Variants in PLEKHA3 observed in about 807,000 individuals in gnomAD.
PLEKHA3 encodes pleckstrin homology domain containing A3.
A neutral mutation model predicts 39.2 loss-of-function variants in PLEKHA3; 19 were observed. The observed-to-expected ratio is 0.48, with a 90% CI of 0.34 to 0.71. The LOEUF (loss-of-function observed/expected upper bound fraction) is 0.71, where lower values mean the gene tolerates loss of function less well. PLEKHA3 is among the 30% of genes least tolerant of loss of function. PLEKHA3 has a pLI of 0.01. For missense variants in PLEKHA3, 253 were observed against 359.5 expected (o/e 0.70, Z 2.40); for synonymous variants, 97 against 118.6 (o/e 0.82, Z 1.18).
intron 1 of PLEKHA3, among the ~76,000 whole-genome samples, chr2:178,482,136 G>A (rs1478768762): frequency 6.6e-6 from 1 of 152,168 alleles, no homozygotes; most frequent in Non-Finnish European, 1.5e-5. Context: ...ATTTCTATAA[G>A]TGACATGTTT....
rs1440127208 is a variant in PLEKHA3, at chr2:178,504,767, A to G, written c.*880A>G. 2 of 152,394 alleles carry G rather than the reference A, an allele frequency of 1.3e-5. No individual in the cohort carries two copies. The highest frequency in any genetic ancestry group is 4.8e-5 in the African/African-American group (2 of 41,424). 9.4% of individuals were successfully genotyped at this position (152,394 alleles called of 1,614,324 possible). On this transcript the variant is annotated 3_prime_UTR_variant, in exon 8 of 8. Transcript: ENST00000234453. ...AAAGTATTGTTTGCAGCTCTTTCCAATATCTAGAGACATTTTTATTTATGA... is the reference window on the plus strand; with the variant it reads ...AAAGTATTGTTTGCAGCTCTTTCCAGTATCTAGAGACATTTTTATTTATGA...
chr2:178,497,529 C>T (rs1466019314), intron 5 of PLEKHA3, among the ~76,000 whole-genome samples: 1 of 152,090 alleles, frequency 6.6e-6, no homozygotes, highest in Non-Finnish European at 1.5e-5. Flanking sequence ...TGCGCCTGGC[C>T]CATTTTATGT....
Position 178,499,245 on chromosome 2 carries a change from G to A in PLEKHA3, c.650G>A (p.Ser217Asn). ...KRSVSHPGSCSSERSSHSIKE... is the reference protein window; with the variant it reads ...KRSVSHPGSCNSERSSHSIKE... The stretch of plus-strand genomic sequence containing the variant: ...TCTGTCAGCCACCCTGGTTCTTGCA[G>A]TTCAGAGAGGTAAAAGAACCTTTTC... Residue 217 changes from serine to asparagine, a missense_variant, in exon 6 of 8, where the codon AGT (serine) becomes AAT (asparagine). Physicochemically the swap from Ser to Asn is conservative, Grantham distance 46. Transcript: ENST00000234453. 1 of 1,609,966 alleles carries A rather than the reference G, an allele frequency of 6.2e-7. No homozygotes were observed. Among genetic ancestry groups the A allele is most frequent in the Non-Finnish European group, 8.5e-7 (1 of 1,178,378 alleles).
chr2:178,487,135 G>C (rs1685262829), intron 2 of PLEKHA3, among the ~76,000 whole-genome samples: 1 of 152,152 alleles, frequency 6.6e-6, no homozygotes, highest in Non-Finnish European at 1.5e-5. Context: ...TTACTAAAAG[G>C]TAAGTGGGGG....
At chr2:178,496,724 AT>A (rs1266827317) in intron 5 of PLEKHA3, among the ~76,000 whole-genome samples, 2 of 151,676 alleles carry the variant, frequency 1.3e-5, no homozygotes, top group African/African-American at 2.4e-5. Context: ...TTATTTATTT[AT>A]TTTTTTAGAG....
chr2:178,507,278 T>G lies in PLEKHA3; in HGVS notation c.*3391T>G, dbSNP rs969506253. On this transcript the variant is annotated 3_prime_UTR_variant, in exon 8 of 8. Coordinates refer to ENST00000234453, the MANE Select transcript of PLEKHA3 (RefSeq NM_019091.4). ...CACCCCTCCCAAAATAGATTTATAT[T>G]CACACAACTTTTAGTTAGAACAAAC... 4 of 152,246 alleles carry G rather than the reference T, an allele frequency of 2.6e-5. No individual in the cohort carries two copies. Among genetic ancestry groups the G allele is most frequent in the Admixed American group, 2.6e-4 (4 of 15,280 alleles). The allele number at this position is 152,246 out of a possible 1,614,324, so 9.4% of individuals were successfully genotyped here. A position where few individuals can be genotyped will look rare whatever the true frequency, so the allele number is the denominator to read the frequency against.
At chr2:178,496,895 G>A (rs1685458561) in intron 5 of PLEKHA3, among the ~76,000 whole-genome samples, 1 of 151,864 alleles carries the variant, frequency 6.6e-6, no homozygotes, top group Admixed American at 6.6e-5. Flanking sequence ...TAGAGATGGG[G>A]GGGGTCTCAT....
intron 2 of PLEKHA3, among the ~76,000 whole-genome samples, chr2:178,487,050 T>TC (rs1376974170): frequency 1.3e-5 from 2 of 152,190 alleles, no homozygotes; most frequent in African/African-American, 4.8e-5. Context: ...TGGGCTCAAC[T>TC]CCAAGTACAA....
At chr2:178,490,561 T>A in intron 2 of PLEKHA3, 98 bp from the exon 3 acceptor site, 1 of 1,229,056 alleles carries the variant, frequency 8.1e-7, no homozygotes, top group Non-Finnish European at 1.1e-6. Context: ...ATGTTTTTGG[T>A]ATATGAAGCA....
chr2:178,485,899 A>G, intron 2 of PLEKHA3, 142 bp downstream of exon 2: 1 of 579,288 alleles, frequency 1.7e-6, no homozygotes, highest in Non-Finnish European at 3.1e-6. Flanking sequence ...CAGGAGTGGC[A>G]TTTCATCACA....
intron 5 of PLEKHA3, among the ~76,000 whole-genome samples, chr2:178,496,037 C>T (rs1263750318): frequency 1.3e-5 from 2 of 152,134 alleles, no homozygotes; most frequent in Non-Finnish European, 2.9e-5. Flanking sequence ...GGTACAATTA[C>T]GTATATCTTT....
rs566548665 is a variant in PLEKHA3 at position 178,491,295 on chromosome 2, G to A, written c.313+481G>A. On this transcript the variant is annotated intron_variant, in intron 3 of 7. Coordinates refer to ENST00000234453, the MANE Select transcript of PLEKHA3 (RefSeq NM_019091.4). ...CAAAGTGCTGGGATTACAGGCATGA[G>A]CCACTGCGCCCAGCCTAAACTCGTG... Among the ~76,000 whole-genome samples, 6 of 152,334 alleles carry A rather than the reference G, an allele frequency of 3.9e-5. No homozygotes were observed. The East Asian group carries it at 1.2e-3, about 29-fold the overall frequency.
In PLEKHA3 at chr2:178,515,088, G is replaced by A. The variant is rs1575151186; in HGVS notation, c.*11201G>A. 1.2e-5 allele frequency: 1 copy of A among 85,914 alleles called. No homozygotes were observed. The highest frequency in any genetic ancestry group is 2.4e-5 in the Non-Finnish European group (1 of 42,280). The allele number at this position is 85,914 out of a possible 1,614,324, so 5.3% of individuals were successfully genotyped here. A position where few individuals can be genotyped will look rare whatever the true frequency, so the allele number is the denominator to read the frequency against. ...TAGCATATGGCTTCCTCTACTGTATGTTGGCATTTGCCACTTTTGGGGATT... is the reference window on the plus strand; with the variant it reads ...TAGCATATGGCTTCCTCTACTGTATATTGGCATTTGCCACTTTTGGGGATT... On this transcript the variant is annotated 3_prime_UTR_variant, in exon 8 of 8. Coordinates refer to ENST00000234453, the MANE Select transcript of PLEKHA3 (RefSeq NM_019091.4).
intron 5 of PLEKHA3, among the ~76,000 whole-genome samples, chr2:178,498,941 G>A (rs930102024): frequency 6.6e-6 from 1 of 151,964 alleles, no homozygotes; most frequent in African/African-American, 2.4e-5. Context: ...TATGTATTAT[G>A]TATAAAATTT....
rs1194570644 is a variant in PLEKHA3, at chr2:178,511,927, C to G, written c.*8040C>G. The stretch of plus-strand genomic sequence containing the variant: ...GCCCTTTCTGTCCCATAATATGTTC[C>G]TCTTCCCCAAAAAGTTTTTTGTTGG... On this transcript the variant is annotated 3_prime_UTR_variant, in exon 8 of 8. Transcript: ENST00000234453. 2 of 152,162 alleles carry G rather than the reference C, an allele frequency of 1.3e-5. No homozygotes were observed. The highest frequency in any genetic ancestry group is 2.9e-5 in the Non-Finnish European group (2 of 68,050). The allele number at this position is 152,162 out of a possible 1,614,324, so 9.4% of individuals were successfully genotyped here.
chr2:178,497,522 G>A (rs1429940604), intron 5 of PLEKHA3, among the ~76,000 whole-genome samples: 1 of 152,174 alleles, frequency 6.6e-6, no homozygotes, highest in African/African-American at 2.4e-5. Flanking sequence ...GAGACACTGC[G>A]CCTGGCCCAT....
At chr2:178,485,523 C>T (rs777698860) in intron 1 of PLEKHA3, 118 bp from the exon 2 acceptor site, 86 of 699,156 alleles carry the variant, frequency 1.2e-4, no homozygotes, top group East Asian at 5.3e-4. Context: ...ATTTCATTAT[C>T]GGAATGTTAT....
rs1275217887 is a variant in PLEKHA3, at chr2:178,516,370, A to G, written c.*12483A>G. The G allele has an allele frequency of 6.6e-6, 1 of 152,220 alleles. No homozygotes were observed. Among genetic ancestry groups the G allele is most frequent in the Non-Finnish European group, 1.5e-5 (1 of 68,038 alleles). 9.4% of individuals were successfully genotyped at this position (152,220 alleles called of 1,614,324 possible). The stretch of plus-strand genomic sequence containing the variant: ...GTATTTTTTTCTTTTCCAAATTCCA[A>G]AAGGTGTATACTCTATATTTTTGTC... On this transcript the variant is annotated 3_prime_UTR_variant, in exon 8 of 8. Transcript: ENST00000234453.
intron 4 of PLEKHA3, 89 bp downstream of exon 4, chr2:178,494,078 T>G (rs1478899769): frequency 2.1e-5 from 30 of 1,431,368 alleles, no homozygotes; most frequent in African/African-American, 1.4e-5. Context: ...ACAGGCATTT[T>G]CACATTGAGT....
Sources: gnomAD v4.1 joint callset for allele counts (sites outside exome capture counted in the v4.1 genomes callset) on GRCh38, gnomAD v4.1.1 for gene constraint, MANE v1.5 for transcripts, NCBI Gene and HGNC (gene_info 2026-07-23, HGNC 2026-07-21) for gene names.